The following NOSIP variants were observed in gnomAD, a reference collection of about 807,000 sequenced individuals.
NOSIP encodes nitric oxide synthase-interacting protein.
A neutral mutation model predicts 36.4 loss-of-function variants in NOSIP; 25 were observed. The ratio of observed to expected loss-of-function variants is 0.69; its 90% CI spans 0.50 to 0.96. The LOEUF is 0.96. Among genes scored for constraint, NOSIP ranks in the 40% least tolerant of loss-of-function variants. The pLI is 0.00. For missense variants in NOSIP, 370 were observed against 429.0 expected (o/e 0.86, Z 1.21); for synonymous variants, 187 against 179.2 (o/e 1.04, Z -0.35).
chr19:49,560,684 C>G lies in NOSIP; in HGVS notation c.8G>C (p.Arg3Pro), dbSNP rs1419603246. The G allele has an allele frequency of 1.3e-6, 2 of 1,592,886 alleles. No individual in the cohort carries two copies. Among genetic ancestry groups the G allele is most frequent in the Non-Finnish European group, 1.7e-6 (2 of 1,169,176 alleles). ...CCCTGCGGTGCAGTTCTTGCCATGC[C>G]GCGTCATCCTAGGGAGGAAGGGACA... MT[R>P]HGKNCTAGAV... is the part of the protein sequence containing the mutation. The change falls in exon 2 of 9, where the codon CGG becomes CCG. Residue 3 changes from arginine (R) to proline (P), a missense_variant. Arg to Pro is a moderately radical substitution (Grantham distance 103). This residue lies in a region of NOSIP where 37 missense variants were observed against 60.2 expected (regional missense o/e 0.61). Coordinates refer to ENST00000596358, the MANE Select transcript of NOSIP (RefSeq NM_001270960.2). The surrounding 1 kb of genome is among the most constrained non-coding windows in gnomAD (Gnocchi z 4.6).
chr19:49,559,898 C>G (rs1291582802), intron 3 of NOSIP, 36 bp downstream of exon 3: 2 of 1,523,320 alleles, frequency 1.3e-6, no homozygotes, highest in South Asian at 2.3e-5. Flanking sequence ...CCTTGCTCTC[C>G]CCACCCAGAC....
chr19:49,569,337 G>A (rs1366856429), intron 1 of NOSIP, among the ~76,000 whole-genome samples: 1 of 150,252 alleles, frequency 6.7e-6, no homozygotes, highest in Non-Finnish European at 1.5e-5. Flanking sequence ...GGGACTACAG[G>A]CACCTGCCAC....
At chr19:49,559,049 T>C (rs2080296078) in intron 3 of NOSIP, 71 bp from the exon 4 acceptor site, 1 of 1,242,074 alleles carries the variant, frequency 8.1e-7, no homozygotes, top group South Asian at 1.2e-5. Flanking sequence ...AGTGCTGGGA[T>C]TATAGGCAGA....
At position 49,556,747 on chromosome 19, in the gene NOSIP, CAGAG is replaced by C. The variant is rs749742910; in HGVS notation, c.538-15_538-12del. 5.0e-6 allele frequency: 8 copies of C among 1,602,814 alleles called. No individual in the cohort carries two copies. The African/African-American group carries it at 1.1e-4, about 21-fold the overall frequency. ...GGTCACCGTGCGGGACTGCAAGGGGCAGAGAGAGGCGGGCTCAGTAGGCAGGGCT... is the reference window on the plus strand; with the variant it reads ...GGTCACCGTGCGGGACTGCAAGGGGCAGAGGCGGGCTCAGTAGGCAGGGCT... On this transcript the variant is annotated splice_polypyrimidine_tract_variant and intron_variant, in intron 6 of 8. Transcript: ENST00000596358.
intron 1 of NOSIP, among the ~76,000 whole-genome samples, chr19:49,570,379 A>C (rs1157387466): frequency 1.3e-5 from 2 of 151,982 alleles, no homozygotes; most frequent in Non-Finnish European, 2.9e-5. Flanking sequence ...CTCTCCCCCT[A>C]CTGGCGTCTT....
chr19:49,572,147 C>T (rs1487335736), intron 1 of NOSIP, among the ~76,000 whole-genome samples: 2 of 149,970 alleles, frequency 1.3e-5, no homozygotes, highest in Non-Finnish European at 3.0e-5. Flanking sequence ...CTTTTATCAC[C>T]TAGGGTGGAG....
At position 49,560,401 on chromosome 19, in the gene NOSIP, C is replaced by G; in HGVS notation, c.70+221G>C. On this transcript the variant is annotated intron_variant, in intron 2 of 8. Transcript: ENST00000596358. This position sits in a 1 kb window ranked among gnomAD's most constrained non-coding sequence, Gnocchi z 4.6. Reference sequence around the variant, plus strand: ...TAACAAGAGCACCCTCCCTGACACTCTGTTGGGAGGAGTGAGTTCATGCGC... The same window carrying G: ...TAACAAGAGCACCCTCCCTGACACTGTGTTGGGAGGAGTGAGTTCATGCGC... 2 of 593,504 alleles carry G rather than the reference C, an allele frequency of 3.4e-6. No individual in the cohort carries two copies. Among genetic ancestry groups the G allele is most frequent in the East Asian group, 5.6e-5 (2 of 35,552 alleles). The allele number at this position is 593,504 out of a possible 1,614,324, so 36.8% of individuals were successfully genotyped here. A position where few individuals can be genotyped will look rare whatever the true frequency, so the allele number is the denominator to read the frequency against.
intron 4 of NOSIP, chr19:49,557,580 G>T: frequency 5.0e-6 from 6 of 1,193,644 alleles, no homozygotes; most frequent in Non-Finnish European, 6.3e-6. Context: ...AGTGTTTACA[G>T]CATGGAGAGC....
chr19:49,575,292 C>T (rs536154229), intron 1 of NOSIP, among the ~76,000 whole-genome samples: 33 of 152,322 alleles, frequency 2.2e-4, no homozygotes, highest in Admixed American at 5.9e-4. Context: ...AGCCACCATG[C>T]GCAGCCTCCT....
At chr19:49,575,628 G>A (rs2080542032) in intron 1 of NOSIP, among the ~76,000 whole-genome samples, 1 of 152,072 alleles carries the variant, frequency 6.6e-6, no homozygotes, top group Non-Finnish European at 1.5e-5. Flanking sequence ...AACAAAAAAG[G>A]GCCAGAGAGT....
chr19:49,565,209 G>C (rs2080390024), intron 1 of NOSIP, among the ~76,000 whole-genome samples: 1 of 151,848 alleles, frequency 6.6e-6, no homozygotes, highest in Non-Finnish European at 1.5e-5. Context: ...GGAGGTCAAG[G>C]CTGCAGTGAG....
chr19:49,570,936 TAGG>T (rs992672141), intron 1 of NOSIP, among the ~76,000 whole-genome samples: 8 of 152,074 alleles, frequency 5.3e-5, no homozygotes, highest in Non-Finnish European at 1.2e-4. Flanking sequence ...CCTCCAAAAA[TAGG>T]AGGAACACCT....
Position 49,560,597 on chromosome 19 carries a change from G to A in NOSIP, c.70+25C>T, listed in dbSNP as rs377181535. 6.1e-5 allele frequency: 95 copies of A among 1,555,060 alleles called. No individual in the cohort carries two copies. In the African/African-American group the frequency reaches 1.1e-3, roughly 19 times the overall value. Reference sequence around the variant, plus strand: ...TGACTCCAAGACACAGCCATGTCCCGCCTCTTCCCACCCCAGCCCTGCACC... The same window carrying A: ...TGACTCCAAGACACAGCCATGTCCCACCTCTTCCCACCCCAGCCCTGCACC... On this transcript the variant is annotated intron_variant, in intron 2 of 8. Transcript: ENST00000596358. The surrounding 1 kb of genome is among the most constrained non-coding windows in gnomAD (Gnocchi z 4.6).
intron 1 of NOSIP, among the ~76,000 whole-genome samples, chr19:49,576,229 T>TC (rs1471512579): frequency 3.3e-5 from 5 of 151,958 alleles, no homozygotes; most frequent in Admixed American, 6.6e-5. Context: ...CTGTTGTGGC[T>TC]CATACCTGGA....
At chr19:49,557,472 G>A (rs2080270334) in intron 4 of NOSIP, 1 of 1,387,948 alleles carries the variant, frequency 7.2e-7, no homozygotes, top group Non-Finnish European at 9.4e-7. Flanking sequence ...TGGCCTAAGT[G>A]AGCACTATGA....
At chr19:49,556,208 C>CGGGG in intron 8 of NOSIP, 109 bp downstream of exon 8, 1 of 405,988 alleles carries the variant, frequency 2.5e-6, no homozygotes, top group Non-Finnish European at 4.4e-6. Context: ...GAGAAGAAGG[C>CGGGG]GGGGCCTTGG....
intron 1 of NOSIP, among the ~76,000 whole-genome samples, chr19:49,566,485 C>T (rs1488757909): frequency 6.6e-6 from 1 of 150,914 alleles, no homozygotes; most frequent in South Asian, 2.1e-4. Flanking sequence ...ATTTTTTATC[C>T]AGGCAGGGTC....
intron 1 of NOSIP, among the ~76,000 whole-genome samples, chr19:49,576,351 T>G (rs1329256951): frequency 6.6e-6 from 1 of 151,558 alleles, no homozygotes; most frequent in African/African-American, 2.4e-5. Context: ...AGCAGCAGCA[T>G]GGTTTTTGAG....
Position 49,555,957 on chromosome 19 carries a change from G to A in NOSIP, c.835-135C>T, listed in dbSNP as rs1375109642. On this transcript the variant is annotated intron_variant, in intron 8 of 8. Coordinates refer to ENST00000596358, the MANE Select transcript of NOSIP (RefSeq NM_001270960.2). ...GCTAAGGAGTAGGAGTTGGGGAGGG[G>A]GCGAGGCGACCGCAGTGGGTACGGA... is the stretch of plus-strand genomic sequence containing the variant. 1.2e-5 allele frequency: 8 copies of A among 654,266 alleles called. No individual in the cohort carries two copies. The East Asian group carries it at 1.6e-4, about 13-fold the overall frequency. The allele number at this position is 654,266 out of a possible 1,614,324, so 40.5% of individuals were successfully genotyped here.
Sources: allele counts gnomAD v4.1 joint callset (sites outside exome capture counted in the v4.1 genomes callset), GRCh38; gene constraint gnomAD v4.1.1; regional missense constraint gnomAD v4.1.1; non-coding constraint Gnocchi (gnomAD v3.1); transcripts MANE v1.5; gene names NCBI Gene and HGNC (gene_info 2026-07-23, HGNC 2026-07-21).